Variants in ARID1B observed in about 807,000 individuals in gnomAD.
ARID1B encodes AT-rich interaction domain 1B.
A neutral mutation model predicts 212.3 loss-of-function variants in ARID1B; 30 were observed. That is an observed-to-expected ratio of 0.14 (90% CI 0.11 to 0.19). The LOEUF is 0.19. Ranked by LOEUF, ARID1B falls within the 10% of genes least tolerant of loss-of-function variation. The pLI is 1.00. For missense variants in ARID1B, 2,891 were observed against 3,204.0 expected (o/e 0.90, Z 2.36); for synonymous variants, 1,402 against 1,301.7 (o/e 1.08, Z -1.66).
At chr6:157,189,041 T>G (rs1265221113) in intron 13 of ARID1B, among the ~76,000 whole-genome samples, 1 of 152,124 alleles carries the variant, frequency 6.6e-6, no homozygotes. Context: ...ATTTCATAGG[T>G]CAAAAAGTGA....
At position 156,779,104 on chromosome 6, in the gene ARID1B, AG is replaced by A; in HGVS notation, c.1426del (p.Ala476ArgfsTer37). 1 of 1,229,166 alleles carries A rather than the reference AG, an allele frequency of 8.1e-7. No homozygotes were observed. 76.1% of individuals were successfully genotyped at this position (1,229,166 alleles called of 1,614,324 possible). ...GGCGGCGGGGCCGCGAGCCTCAGCA[AG>A]GCGGCCGCCGGCTCGGCGGCGGGGG... Reference protein sequence around the residue: ...PGGGGAASLSKAAAGSAAGGF... With the variant: ...PGGGGAASLSXAAAGSAAGGF... On this transcript the variant is annotated frameshift_variant, in exon 1 of 20. Coordinates refer to ENST00000636930, the MANE Select transcript of ARID1B (RefSeq NM_001374828.1). LOFTEE classifies it high-confidence loss of function.
chr6:156,819,251 T>C (rs1189397708), intron 1 of ARID1B, among the ~76,000 whole-genome samples: 1 of 152,212 alleles, frequency 6.6e-6, no homozygotes, highest in Non-Finnish European at 1.5e-5. Flanking sequence ...TTATGAACAA[T>C]ACTGCATACT....
intron 5 of ARID1B, among the ~76,000 whole-genome samples, chr6:157,100,355 C>G (rs758387251): frequency 6.6e-5 from 10 of 152,182 alleles, no homozygotes; most frequent in Non-Finnish European, 7.3e-5. Context: ...AGTTCACACC[C>G]ACGCACTTCA....
intron 7 of ARID1B, among the ~76,000 whole-genome samples, chr6:157,146,512 C>T (rs1471058986): frequency 6.6e-6 from 1 of 152,202 alleles, no homozygotes; most frequent in African/African-American, 2.4e-5. Context: ...GCCCTCAGCC[C>T]CCATCAGACT....
chr6:156,870,863 C>T (rs1417740589), intron 2 of ARID1B, among the ~76,000 whole-genome samples: 1 of 152,170 alleles, frequency 6.6e-6, no homozygotes, highest in Non-Finnish European at 1.5e-5. Flanking sequence ...TTTTACCAAA[C>T]CTCTTTGTTA....
intron 1 of ARID1B, among the ~76,000 whole-genome samples, chr6:156,785,527 T>A (rs1458713562): frequency 6.6e-6 from 1 of 152,290 alleles, no homozygotes; most frequent in East Asian, 1.9e-4. Flanking sequence ...ATATATGGTT[T>A]TTTTTTTAAA....
At chr6:157,067,533 C>T (rs1393271253) in intron 4 of ARID1B, among the ~76,000 whole-genome samples, 3 of 151,932 alleles carry the variant, frequency 2.0e-5, no homozygotes, top group African/African-American at 7.3e-5. Context: ...TTTTGCTTCT[C>T]GCGAAGGTTC....
intron 4 of ARID1B, among the ~76,000 whole-genome samples, chr6:157,049,927 T>C (rs1782481023): frequency 1.3e-5 from 2 of 152,224 alleles, no homozygotes; most frequent in Admixed American, 6.5e-5. Flanking sequence ...TCTTAATGTG[T>C]TAACCTGCAC....
chr6:157,063,452 A>G (rs1783479254), intron 4 of ARID1B, among the ~76,000 whole-genome samples: 1 of 152,162 alleles, frequency 6.6e-6, no homozygotes, highest in Non-Finnish European at 1.5e-5. Flanking sequence ...TTTCCACACC[A>G]AGATGCTTAT....
chr6:156,893,232 G>A (rs1418920211), intron 2 of ARID1B, among the ~76,000 whole-genome samples: 1 of 151,864 alleles, frequency 6.6e-6, no homozygotes, highest in Non-Finnish European at 1.5e-5. Context: ...CACCACATTG[G>A]CCAGGCTGGT....
At chr6:156,800,917 G>A (rs1780736818) in intron 1 of ARID1B, among the ~76,000 whole-genome samples, 1 of 152,054 alleles carries the variant, frequency 6.6e-6, no homozygotes, top group African/African-American at 2.4e-5. Context: ...TTAATTAAAT[G>A]AAATTAGTTA....
At chr6:156,947,172 C>A (rs1415105246) in intron 4 of ARID1B, among the ~76,000 whole-genome samples, 2 of 152,154 alleles carry the variant, frequency 1.3e-5, no homozygotes, top group African/African-American at 4.8e-5. Flanking sequence ...TCAGGCTAGT[C>A]TTATTTTCTT....
chr6:157,007,898 G>T (rs1303689874), intron 4 of ARID1B, among the ~76,000 whole-genome samples: 2 of 151,920 alleles, frequency 1.3e-5, no homozygotes, highest in Non-Finnish European at 2.9e-5. Context: ...GGATGGTCTC[G>T]ATCTCCTGAC....
At chr6:157,120,653 G>A (rs1278603801) in intron 6 of ARID1B, among the ~76,000 whole-genome samples, 1 of 152,182 alleles carries the variant, frequency 6.6e-6, no homozygotes, top group Non-Finnish European at 1.5e-5. Context: ...GTCTTTCTGG[G>A]TGGAGACACC....
chr6:156,862,830 T>G (rs1785428389), intron 2 of ARID1B, among the ~76,000 whole-genome samples: 2 of 152,204 alleles, frequency 1.3e-5, no homozygotes, highest in Non-Finnish European at 1.5e-5. Context: ...TCTAGATCAC[T>G]CTTCCTGCTC....
chr6:157,159,471 T>C (rs754354970), intron 8 of ARID1B, among the ~76,000 whole-genome samples: 2 of 152,168 alleles, frequency 1.3e-5, no homozygotes, highest in South Asian at 2.1e-4. Flanking sequence ...GTTACCTGCA[T>C]TGAAGCAAAA....
Position 156,777,760 on chromosome 6 carries a change from C to T in ARID1B, c.80C>T (p.Ala27Val), listed in dbSNP as rs1327350233. Residue 27 changes from alanine to valine, a missense_variant, in exon 1 of 20, where the codon GCG (alanine) becomes GTG (valine). Physicochemically the swap from Ala to Val is moderately conservative, Grantham distance 64 (BLOSUM62 0). Around this residue, in one of 7 missense-constraint regions of ARID1B, gnomAD observed 1,643 missense variants for 1,544.0 expected, o/e 1.06. Coordinates refer to ENST00000636930, the MANE Select transcript of ARID1B (RefSeq NM_001374828.1). ...RARAGSGERR[A>V]PPGPRPAPGA... ...CGGGCAGGCAGCGGCGAACGGCGGG[C>T]GCCCCCCGGGCCGCGGCCGGCGCCC... The T allele has an allele frequency of 2.9e-5, 17 of 593,656 alleles. No individual in the cohort carries two copies. The East Asian group carries it at 4.5e-4, about 16-fold the overall frequency. The allele number at this position is 593,656 out of a possible 1,614,324, so 36.8% of individuals were successfully genotyped here. A position where few individuals can be genotyped will look rare whatever the true frequency, so the allele number is the denominator to read the frequency against.
intron 9 of ARID1B, 96 bp from the exon 10 acceptor site, chr6:157,173,912 A>G: frequency 1.0e-6 from 1 of 1,001,868 alleles, no homozygotes; most frequent in Non-Finnish European, 1.5e-6. Context: ...GGGAAATGCA[A>G]GGGCCTCCTG....
chr6:157,133,026 A>C lies in ARID1B; in HGVS notation c.2582-2A>C, dbSNP rs1057524160. On this transcript the variant is annotated splice_acceptor_variant, in intron 6 of 19. Transcript: ENST00000636930. LOFTEE classifies it high-confidence loss of function. Reference sequence around the variant, plus strand: ...ATATGTTTCCATTTATTTCCCACTTAGGTTTTATGGCAGGCACACAAAGAA... The same window carrying C: ...ATATGTTTCCATTTATTTCCCACTTCGGTTTTATGGCAGGCACACAAAGAA... 1 of 1,595,234 alleles carries C rather than the reference A, an allele frequency of 6.3e-7. No individual in the cohort carries two copies. Among genetic ancestry groups the C allele is most frequent in the Admixed American group, 1.8e-5 (1 of 55,108 alleles).
Sources: allele counts gnomAD v4.1 joint callset (sites outside exome capture counted in the v4.1 genomes callset), GRCh38; gene constraint gnomAD v4.1.1; regional missense constraint gnomAD v4.1.1; transcripts MANE v1.5; gene names NCBI Gene and HGNC (gene_info 2026-07-23, HGNC 2026-07-21).